Variants in FAT3 observed in about 807,000 individuals in gnomAD.
The protein encoded by FAT3 is protocadherin Fat 3.
FAT3 carries 95 observed loss-of-function variants against 310.2 expected under a neutral mutation model. The ratio of observed to expected loss-of-function variants is 0.31; its 90% CI spans 0.26 to 0.36. The LOEUF (loss-of-function observed/expected upper bound fraction) is 0.36. FAT3 is among the 10% of genes least tolerant of loss of function. The probability of loss-of-function intolerance (pLI) is 1.00; values close to 1 mark genes in which losing one functional copy is unlikely to be tolerated. For missense variants in FAT3, 5,408 were observed against 5,715.6 expected, an observed-to-expected ratio of 0.95 and a Z score of 1.74; for synonymous variants, 2,314 against 2,192.9, an observed-to-expected ratio of 1.06 and a Z score of -1.54.
intron 3 of FAT3, among the ~76,000 whole-genome samples, chr11:92,563,007 C>G (rs1461040622): frequency 6.6e-6 from 1 of 152,214 alleles, no homozygotes. Context: ...TAAAATTAAC[C>G]ATCATATAGT....
intron 25 of FAT3, among the ~76,000 whole-genome samples, chr11:92,888,874 C>G (rs1949852761): frequency 2.0e-5 from 3 of 152,198 alleles, no homozygotes; most frequent in Admixed American, 6.5e-5. Flanking sequence ...TGATGAGCCA[C>G]TGCCTTCCTA....
chr11:92,841,401 C>G (rs1948545480), intron 18 of FAT3, among the ~76,000 whole-genome samples: 1 of 152,116 alleles, frequency 6.6e-6, no homozygotes, highest in Admixed American at 6.5e-5. Flanking sequence ...AGAGGGCAAC[C>G]TAGACTCATT....
intron 2 of FAT3, among the ~76,000 whole-genome samples, chr11:92,358,298 A>T (rs4121644): frequency 0.032 from 4,805 of 152,254 alleles, 226 homozygotes; most frequent in African/African-American, 0.096. Flanking sequence ...AACTCCTTTG[A>T]GTTGAAGAGT....
At chr11:92,388,974 A>G (rs1173554561) in intron 2 of FAT3, among the ~76,000 whole-genome samples, 3 of 152,062 alleles carry the variant, frequency 2.0e-5, no homozygotes, top group Admixed American at 6.6e-5. Flanking sequence ...GCAGTTTCTT[A>G]GGCATAAGTC....
chr11:92,410,202 A>G (rs1316957431), intron 2 of FAT3, among the ~76,000 whole-genome samples: 3 of 152,130 alleles, frequency 2.0e-5, no homozygotes, highest in Admixed American at 6.6e-5. Context: ...CTACAAATCC[A>G]GAAGTCCTTT....
chr11:92,801,574 A>T lies in FAT3; in HGVS notation c.8561A>T (p.His2854Leu), dbSNP rs369855196. 2.5e-6 allele frequency: 4 copies of T among 1,609,110 alleles called. No individual in the cohort carries two copies. The highest frequency in any genetic ancestry group is 1.3e-5 in the African/African-American group (1 of 74,788). ...AATGGACAAGTCACTTACTCCCTCC[A>T]CTCGGATTCCCAGCCCGAAAAGGTA... ...GANGQVTYSL[H>L]SDSQPEKVME... The change falls in exon 10 of 28, where the codon CAC becomes CTC. Residue 2854 changes from histidine to leucine, a missense_variant. Coordinates refer to ENST00000525166, the MANE Select transcript of FAT3 (RefSeq NM_001367949.2).
chr11:92,566,597 A>G (rs1955458000), intron 3 of FAT3, among the ~76,000 whole-genome samples: 2 of 151,880 alleles, frequency 1.3e-5, no homozygotes, highest in East Asian at 1.9e-4. Context: ...CTAAGCCAAA[A>G]GAACAAAGCT....
At position 92,436,372 on chromosome 11, in the gene FAT3, A is replaced by T. The variant is rs185660505; in HGVS notation, c.3292+80968A>T. On this transcript the variant is annotated intron_variant, in intron 2 of 27. Transcript: ENST00000525166. ...TCCCAAGCTGGTCTCCAGCTCTTGG[A>T]CTCAAGCGATCCACCTGCCTCAGTC... 2.1e-4 allele frequency among the ~76,000 whole-genome samples: 32 copies of T among 151,748 alleles called. No individual in the cohort carries two copies. In the East Asian group the frequency reaches 3.7e-3, roughly 18 times the overall value.
chr11:92,688,049 T>C (rs1222089990), intron 3 of FAT3, among the ~76,000 whole-genome samples: 1 of 151,850 alleles, frequency 6.6e-6, no homozygotes, highest in Non-Finnish European at 1.5e-5. Context: ...AAAAAAATTT[T>C]TTTAACTAGC....
intron 13 of FAT3, among the ~76,000 whole-genome samples, chr11:92,810,522 G>A (rs980085689): frequency 2.0e-5 from 3 of 152,152 alleles, no homozygotes; most frequent in Admixed American, 6.5e-5. Flanking sequence ...TGACAATCTC[G>A]ATTTAATATA....
At chr11:92,240,012 A>G (rs1864609393) in intron 1 of FAT3, among the ~76,000 whole-genome samples, 2 of 152,244 alleles carry the variant, frequency 1.3e-5, no homozygotes, top group East Asian at 3.9e-4. Context: ...CACTAAGGTA[A>G]GAGTTATTTT....
intron 1 of FAT3, among the ~76,000 whole-genome samples, chr11:92,346,811 G>T (rs1209070253): frequency 6.6e-6 from 1 of 152,058 alleles, no homozygotes; most frequent in Non-Finnish European, 1.5e-5. Flanking sequence ...CTAACATAGT[G>T]TTCTTCCTTT....
intron 19 of FAT3, among the ~76,000 whole-genome samples, chr11:92,851,272 C>CA: frequency 6.6e-6 from 1 of 152,270 alleles, no homozygotes; most frequent in African/African-American, 2.4e-5. Flanking sequence ...GTTGCTGGGT[C>CA]AAATTAGTGT....
chr11:92,751,214 A>G (rs1423749398), intron 4 of FAT3, among the ~76,000 whole-genome samples: 2 of 152,316 alleles, frequency 1.3e-5, no homozygotes, highest in Admixed American at 6.5e-5. Flanking sequence ...ACAGACCCCA[A>G]AGCAGATTGG....
intron 3 of FAT3, among the ~76,000 whole-genome samples, chr11:92,669,287 T>C (rs1565499713): frequency 6.6e-6 from 1 of 152,224 alleles, no homozygotes; most frequent in East Asian, 1.9e-4. Flanking sequence ...GTTTTCTAGC[T>C]TTGTGATCTC....
intron 2 of FAT3, among the ~76,000 whole-genome samples, chr11:92,506,087 A>T (rs1018529289): frequency 1.3e-5 from 2 of 152,102 alleles, no homozygotes; most frequent in African/African-American, 4.8e-5. Flanking sequence ...GTCAGAACTG[A>T]CCTCAAAACC....
intron 3 of FAT3, among the ~76,000 whole-genome samples, chr11:92,632,962 T>C (rs760879178): frequency 7.9e-5 from 12 of 152,210 alleles, no homozygotes; most frequent in Non-Finnish European, 4.4e-5. Flanking sequence ...CCCTGATCCT[T>C]GTTCTCATCA....
chr11:92,672,499 A>G (rs1015984625), intron 3 of FAT3, among the ~76,000 whole-genome samples: 4 of 152,202 alleles, frequency 2.6e-5, no homozygotes, highest in Admixed American at 6.5e-5. Context: ...TCTGGAAACC[A>G]TATTGTTGTT....
intron 3 of FAT3, among the ~76,000 whole-genome samples, chr11:92,581,724 G>T (rs112962118): frequency 6.7e-6 from 1 of 149,546 alleles, no homozygotes; most frequent in Non-Finnish European, 1.5e-5. Flanking sequence ...ACATATACAC[G>T]TGTGTGTGTG....
Sources: gnomAD v4.1 joint callset for allele counts (sites outside exome capture counted in the v4.1 genomes callset) on GRCh38, gnomAD v4.1.1 for gene constraint, MANE v1.5 for transcripts, NCBI Gene and HGNC (gene_info 2026-07-23, HGNC 2026-07-21) for gene names.